NDRG3: variants seen among roughly 807,000 people sequenced by gnomAD.
NDRG3 encodes NDRG family member 3.
In NDRG3, 23 loss-of-function variants were observed where a neutral mutation model predicts 57.2. The ratio of observed to expected loss-of-function variants is 0.40; its 90% confidence interval spans 0.29 to 0.57. The LOEUF is 0.57. Ranked by LOEUF, NDRG3 falls within the 20% of genes least tolerant of loss-of-function variation. The pLI, the probability that NDRG3 is intolerant of heterozygous loss-of-function variation, is 0.42. For synonymous variants in NDRG3, 132 were observed against 162.6 expected (o/e 0.81, Z 1.43); for missense variants, 384 against 457.3 (o/e 0.84, Z 1.46).
In NDRG3 at chr20:36,746,082, G is replaced by GCGGCGGCGGCA. The variant is rs1568681668; in HGVS notation, c.-87_-86insTGCCGCCGCCG. 1 of 19,368 alleles carries GCGGCGGCGGCA rather than the reference G, an allele frequency of 5.2e-5. No individual in the cohort carries two copies. Among genetic ancestry groups the GCGGCGGCGGCA allele is most frequent in the Non-Finnish European group, 7.5e-5 (1 of 13,416 alleles). The allele number at this position is 19,368 out of a possible 1,614,324, so 1.2% of individuals were successfully genotyped here. On this transcript the variant is annotated 5_prime_UTR_variant, in exon 1 of 16. Transcript: ENST00000349004. ...CACCCGCCGTCAGTGCAGCAGCAGC[G>GCGGCGGCGGCA]GCGGCGGCGGCGGCGGCGGCGGCGG...
chr20:36,733,171 AATATATATATATATATATATAT>A (rs1555807708), intron 1 of NDRG3, among the ~76,000 whole-genome samples: 3 of 33,244 alleles, frequency 9.0e-5, no homozygotes, highest in Non-Finnish European at 1.7e-4. Flanking sequence ...AAAAAAAAAA[AATATATATATATATATATATAT>A]ATATATATAT....
At chr20:36,740,830 A>C (rs1985893664) in intron 1 of NDRG3, among the ~76,000 whole-genome samples, 1 of 152,176 alleles carries the variant, frequency 6.6e-6, no homozygotes, top group Non-Finnish European at 1.5e-5. Flanking sequence ...GAATGAGAGA[A>C]CAATTAATTG....
At chr20:36,696,808 TAAC>T (rs1160451557) in intron 3 of NDRG3, among the ~76,000 whole-genome samples, 3 of 152,248 alleles carry the variant, frequency 2.0e-5, no homozygotes, top group East Asian at 3.9e-4. Flanking sequence ...GCCTTTTCTA[TAAC>T]AACAATGGCA....
chr20:36,738,894 C>T (rs1047197481), intron 1 of NDRG3, among the ~76,000 whole-genome samples: 2 of 144,234 alleles, frequency 1.4e-5, no homozygotes, highest in Non-Finnish European at 3.0e-5. Context: ...GAGGCCGAGG[C>T]GGGTGGATCA....
At chr20:36,727,380 C>T (rs1299289551) in intron 1 of NDRG3, among the ~76,000 whole-genome samples, 3 of 151,668 alleles carry the variant, frequency 2.0e-5, no homozygotes, top group South Asian at 4.2e-4. Context: ...CCACCAGGAC[C>T]GGCTAATTTT....
Position 36,721,674 on chromosome 20 carries a change from TTTACC to T in NDRG3, c.57_57+4del. On this transcript the variant is annotated splice_donor_variant and splice_donor_region_variant and coding_sequence_variant and intron_variant, in exon 2 of 16. Transcript: ENST00000349004. LOFTEE classifies it high-confidence loss of function. ...ATATTTTAGTGAAAACAGAAAAGTC[TTTACC>T]TTATCATTTAGAAGTGGTTTGATCT... 6.3e-7 allele frequency: 1 copy of T among 1,588,476 alleles called. No individual in the cohort carries two copies. Among genetic ancestry groups the T allele is most frequent in the Non-Finnish European group, 8.6e-7 (1 of 1,160,224 alleles).
At chr20:36,689,822 G>A (rs534293287) in intron 3 of NDRG3, among the ~76,000 whole-genome samples, 30 of 149,840 alleles carry the variant, frequency 2.0e-4, no homozygotes, top group African/African-American at 7.4e-4. Flanking sequence ...CTGGGTTCAC[G>A]CCATTCTCCT....
At chr20:36,720,903 G>A (rs1337212529) in intron 2 of NDRG3, among the ~76,000 whole-genome samples, 3 of 151,416 alleles carry the variant, frequency 2.0e-5, no homozygotes, top group African/African-American at 7.3e-5. Context: ...AGCCTCCCGA[G>A]TAGCTGGGAT....
At chr20:36,688,327 C>A (rs1981960421) in intron 4 of NDRG3, among the ~76,000 whole-genome samples, 1 of 151,146 alleles carries the variant, frequency 6.6e-6, no homozygotes, top group Non-Finnish European at 1.5e-5. Flanking sequence ...GAAGAGCTCA[C>A]AACAAAGTTA....
Position 36,739,153 on chromosome 20 carries a change from A to T in NDRG3, c.-49+6892T>A, listed in dbSNP as rs1329808364. 7.0e-5 allele frequency among the ~76,000 whole-genome samples: 10 copies of T among 142,654 alleles called. No homozygotes were observed. The South Asian group carries it at 2.0e-3, about 29-fold the overall frequency. The allele number at this position is 142,654 out of a possible 152,430, so 93.6% of individuals were successfully genotyped here. On this transcript the variant is annotated intron_variant, in intron 1 of 15. Coordinates refer to ENST00000349004, the MANE Select transcript of NDRG3 (RefSeq NM_032013.4). Reference sequence around the variant, plus strand: ...CCATCTCAAAAAAAAAAAAAAAAAAAAAAAAAAAAAAAAGGCCAGGCACAG... The same window carrying T: ...CCATCTCAAAAAAAAAAAAAAAAAATAAAAAAAAAAAAAGGCCAGGCACAG...
chr20:36,735,970 CAAAAAAAAAA>C (rs576981000), intron 1 of NDRG3, among the ~76,000 whole-genome samples: 13 of 50,966 alleles, frequency 2.6e-4, no homozygotes, highest in East Asian at 5.7e-4. Flanking sequence ...GGCCCTGTCT[CAAAAAAAAAA>C]AAAAAAAAAA....
chr20:36,700,235 A>T (rs1157732280), intron 3 of NDRG3, among the ~76,000 whole-genome samples: 1 of 151,892 alleles, frequency 6.6e-6, no homozygotes, highest in East Asian at 1.9e-4. Flanking sequence ...TCAACTTTTT[A>T]GGGATATCTC....
intron 2 of NDRG3, among the ~76,000 whole-genome samples, chr20:36,719,952 T>C (rs983560053): frequency 1.3e-5 from 2 of 151,412 alleles, no homozygotes; most frequent in African/African-American, 4.8e-5. Flanking sequence ...CTGTCTCTAC[T>C]AAAAATACAA....
At chr20:36,683,028 G>T (rs999128665) in intron 6 of NDRG3, among the ~76,000 whole-genome samples, 1 of 151,988 alleles carries the variant, frequency 6.6e-6, no homozygotes, top group Non-Finnish European at 1.5e-5. Context: ...GGATCACGAA[G>T]TCAGGAGATC....
At chr20:36,697,130 C>T (rs1982858029) in intron 3 of NDRG3, among the ~76,000 whole-genome samples, 1 of 152,082 alleles carries the variant, frequency 6.6e-6, no homozygotes, top group African/African-American at 2.4e-5. Flanking sequence ...AGAGACAAAG[C>T]GTAGATGGAA....
chr20:36,687,687 A>G (rs957437052), intron 4 of NDRG3, 75 bp from the exon 5 acceptor site: 61 of 1,497,270 alleles, frequency 4.1e-5, no homozygotes, highest in Non-Finnish European at 5.2e-5. Flanking sequence ...GTCAATGCCT[A>G]TTATCACCTT....
chr20:36,677,622 A>G (rs952745757), intron 8 of NDRG3, among the ~76,000 whole-genome samples: 4 of 152,192 alleles, frequency 2.6e-5, no homozygotes, highest in African/African-American at 9.6e-5. Context: ...CTCTGCTGAG[A>G]GCTTCAGAGA....
intron 3 of NDRG3, among the ~76,000 whole-genome samples, chr20:36,692,748 T>C (rs1982370684): frequency 6.6e-6 from 1 of 151,896 alleles, no homozygotes. Flanking sequence ...GTTTAAGCTA[T>C]ATTGGGTGGG....
rs560857898 is a variant in NDRG3, at chr20:36,732,612, T to C, written c.-48-10829A>G. On this transcript the variant is annotated intron_variant, in intron 1 of 15. Transcript: ENST00000349004. ...TGACAGGGCTGGAATTCTGTGATCC[T>C]GAAGCTCCCTGTAGAAGTAGTACTT... Among the ~76,000 whole-genome samples the C allele has an allele frequency of 3.3e-5, 5 of 152,280 alleles. No homozygotes were observed. In the East Asian group the frequency reaches 9.6e-4, roughly 29 times the overall value.
Sources: allele counts gnomAD v4.1 joint callset (sites outside exome capture counted in the v4.1 genomes callset), GRCh38; gene constraint gnomAD v4.1.1; transcripts MANE v1.5; gene names NCBI Gene and HGNC (gene_info 2026-07-23, HGNC 2026-07-21).